SNX7: variants seen among roughly 807,000 people sequenced by gnomAD.
SNX7 encodes sorting nexin 7.
In SNX7, 35 loss-of-function variants were observed where a neutral mutation model predicts 48.4. The ratio of observed to expected loss-of-function variants is 0.72; its 90% CI spans 0.55 to 0.96. SNX7 has a LOEUF of 0.96. Ranked by LOEUF, SNX7 falls within the 40% of genes least tolerant of loss-of-function variation. SNX7 has a pLI of 0.00. For synonymous variants in SNX7, 190 were observed against 190.2 expected (o/e 1.00, Z 0.01); for missense variants, 553 against 548.9 (o/e 1.01, Z -0.07).
At chr1:98,662,638 T>C in intron 1 of SNX7, 1 of 1,281,482 alleles carries the variant, frequency 7.8e-7, no homozygotes, top group Non-Finnish European at 1.0e-6. Flanking sequence ...TTGGTACGTG[T>C]AGACTGGTGT....
rs115188824 is a variant in SNX7, at chr1:98,726,871, G to C, written c.1126-11366G>C. ...CTCTCATATTCATCCTGTGCCCTTT[G>C]TCCTGTGTCTAGGCCAATGCCTGGC... On this transcript the variant is annotated intron_variant, in intron 7 of 8. Coordinates refer to ENST00000306121, the MANE Select transcript of SNX7 (RefSeq NM_015976.5). Among the ~76,000 whole-genome samples the C allele has an allele frequency of 7.4e-3, 1,131 of 152,274 alleles. 11 individuals carry two copies. Among genetic ancestry groups the C allele is most frequent in the African/African-American group, 0.026 (1,091 of 41,550 alleles).
chr1:98,668,657 G>T (rs1390796527), intron 1 of SNX7, among the ~76,000 whole-genome samples: 1 of 152,170 alleles, frequency 6.6e-6, no homozygotes, highest in Non-Finnish European at 1.5e-5. Flanking sequence ...AGAAAGTCTG[G>T]TGAAGAACAA....
chr1:98,745,390 A>G (rs940308583), intron 8 of SNX7, among the ~76,000 whole-genome samples: 3 of 152,004 alleles, frequency 2.0e-5, no homozygotes, highest in Non-Finnish European at 4.4e-5. Context: ...TTTTGAATCC[A>G]TAACAAGGTG....
At chr1:98,683,815 A>G (rs971026917) in intron 1 of SNX7, among the ~76,000 whole-genome samples, 2 of 152,142 alleles carry the variant, frequency 1.3e-5, no homozygotes, top group African/African-American at 4.8e-5. Flanking sequence ...ACAGGTTTGC[A>G]TGTCTTTTAG....
chr1:98,723,145 G>A (rs1054119285), intron 7 of SNX7, among the ~76,000 whole-genome samples: 1 of 152,090 alleles, frequency 6.6e-6, no homozygotes, highest in African/African-American at 2.4e-5. Flanking sequence ...AATGGACTGA[G>A]ATAGGAAATA....
At chr1:98,714,362 A>G (rs11807800) in intron 7 of SNX7, among the ~76,000 whole-genome samples, 1,947 of 152,278 alleles carry the variant, frequency 0.013, 56 homozygotes, top group African/African-American at 0.045. Flanking sequence ...GGACGGGAAA[A>G]TTGAGTCCTA....
chr1:98,664,520 ACT>A (rs1331625276), intron 1 of SNX7, among the ~76,000 whole-genome samples: 1 of 152,044 alleles, frequency 6.6e-6, no homozygotes, highest in South Asian at 2.1e-4. Flanking sequence ...ACGGAGTGAG[ACT>A]CTGTCTCAAA....
chr1:98,751,372 T>C (rs542244746), intron 8 of SNX7, among the ~76,000 whole-genome samples: 1 of 152,186 alleles, frequency 6.6e-6, no homozygotes, highest in African/African-American at 2.4e-5. Context: ...AATTAAAACT[T>C]AATTTTCTAT....
intron 1 of SNX7, among the ~76,000 whole-genome samples, chr1:98,667,950 AC>A (rs376515597): frequency 4.8e-4 from 73 of 152,176 alleles, no homozygotes; most frequent in African/African-American, 1.7e-3. Context: ...AACAAAAAAA[AC>A]AATAAAACAA....
intron 1 of SNX7, among the ~76,000 whole-genome samples, chr1:98,672,545 G>A (rs1649926599): frequency 6.6e-6 from 1 of 151,072 alleles, no homozygotes; most frequent in African/African-American, 2.4e-5. Flanking sequence ...TAGGCAAATG[G>A]CATCTTGGAC....
rs147721808 is a variant in SNX7, at chr1:98,663,220, A to G, written c.180+1309A>G. ...TTGGGATGGGATGTTGGAAATAGCAATGGTGTATCAGAATCATCAGGGTTT... is the reference window on the plus strand; with the variant it reads ...TTGGGATGGGATGTTGGAAATAGCAGTGGTGTATCAGAATCATCAGGGTTT... On this transcript the variant is annotated intron_variant, in intron 1 of 8. Transcript: ENST00000306121. Among the ~76,000 whole-genome samples the G allele has an allele frequency of 2.2e-4, 31 of 140,214 alleles. 3 individuals carry two copies. In the East Asian group the frequency reaches 4.1e-3, roughly 19 times the overall value. 92.0% of individuals were successfully genotyped at this position (140,214 alleles called of 152,430 possible).
At position 98,701,848 on chromosome 1, in the gene SNX7, C is replaced by T; in HGVS notation, c.1070C>T (p.Ala357Val). 6.2e-7 allele frequency: 1 copy of T among 1,610,736 alleles called. No individual in the cohort carries two copies. Among genetic ancestry groups the T allele is most frequent in the Non-Finnish European group, 8.5e-7 (1 of 1,178,294 alleles). The part of the protein sequence containing the change: ...GVMKRRDQIQ[A>V]ELDSKVEVLT... ...ATGAAAAGAAGAGACCAAATACAAG[C>T]AGAACTGGATTCCAAAGTTGAAGTT... Residue 357 changes from alanine (A) to valine (V), a missense_variant, in exon 7 of 9, where the codon GCA becomes GTA. Physicochemically the swap from Ala to Val is moderately conservative, Grantham distance 64 (BLOSUM62 0). Transcript: ENST00000306121.
At chr1:98,725,979 T>G (rs925231492) in intron 7 of SNX7, among the ~76,000 whole-genome samples, 1 of 152,202 alleles carries the variant, frequency 6.6e-6, no homozygotes, top group Non-Finnish European at 1.5e-5. Context: ...AACATAGCTC[T>G]TTGTTTCTCC....
intron 8 of SNX7, among the ~76,000 whole-genome samples, chr1:98,746,426 T>C (rs1654311402): frequency 6.6e-6 from 1 of 152,094 alleles, no homozygotes; most frequent in South Asian, 2.1e-4. Context: ...CAATGCATCT[T>C]AGCCTGTTTT....
chr1:98,692,717 T>C (rs1333058774), intron 4 of SNX7, among the ~76,000 whole-genome samples: 2 of 152,184 alleles, frequency 1.3e-5, no homozygotes, highest in African/African-American at 4.8e-5. Flanking sequence ...ACAAAAATAG[T>C]ACAATAGTAC....
intron 8 of SNX7, among the ~76,000 whole-genome samples, chr1:98,757,727 CTGATTGATTGATTGAT>C (rs36110396): frequency 5.2e-4 from 79 of 150,536 alleles, no homozygotes; most frequent in Non-Finnish European, 9.2e-4. Flanking sequence ...TAGTATCTAC[CTGATTGATTGATTGAT>C]TGATTGATTG....
intron 1 of SNX7, among the ~76,000 whole-genome samples, chr1:98,681,861 A>G (rs990073482): frequency 6.6e-6 from 1 of 152,158 alleles, no homozygotes; most frequent in African/African-American, 2.4e-5. Context: ...TAGGTAGGAG[A>G]GTATTCTTGT....
chr1:98,686,131 G>A (rs1650782743), intron 2 of SNX7, among the ~76,000 whole-genome samples: 2 of 152,086 alleles, frequency 1.3e-5, no homozygotes, highest in Non-Finnish European at 2.9e-5. Flanking sequence ...AAGAAGTCAT[G>A]CTTAGTTTTC....
chr1:98,711,217 A>G (rs551761780), intron 7 of SNX7, among the ~76,000 whole-genome samples: 1 of 152,186 alleles, frequency 6.6e-6, no homozygotes, highest in Non-Finnish European at 1.5e-5. Context: ...GGGTTTCGCC[A>G]TGTTGGCCGG....
Sources: allele counts gnomAD v4.1 joint callset (sites outside exome capture counted in the v4.1 genomes callset), GRCh38; gene constraint gnomAD v4.1.1; transcripts MANE v1.5; gene names NCBI Gene and HGNC (gene_info 2026-07-23, HGNC 2026-07-21).